The following DNHD1 variants were observed in gnomAD, a reference collection of about 807,000 sequenced individuals.
The protein encoded by DNHD1 is dynein heavy chain domain-containing protein 1.
DNHD1 carries 383 observed loss-of-function variants against 458.1 expected under a neutral mutation model. The ratio of observed to expected loss-of-function variants is 0.84; its 90% CI spans 0.77 to 0.91. The LOEUF (loss-of-function observed/expected upper bound fraction) is 0.91, where lower values mean the gene tolerates loss of function less well. Among genes scored for constraint, DNHD1 ranks in the 40% least tolerant of loss-of-function variants. The pLI, the probability that DNHD1 is intolerant of heterozygous loss-of-function variation, is 0.00. For missense variants in DNHD1, 5,336 were observed against 5,866.1 expected, an observed-to-expected ratio of 0.91 and a Z score of 2.95; for synonymous variants, 2,203 against 2,376.9, an observed-to-expected ratio of 0.93 and a Z score of 2.13.
chr11:6,510,435 T>G (rs1402476522), intron 6 of DNHD1, among the ~76,000 whole-genome samples: 1 of 152,166 alleles, frequency 6.6e-6, no homozygotes, highest in Non-Finnish European at 1.5e-5. Context: ...AGTGACTCAT[T>G]TTGAAAAACT....
Position 6,502,283 on chromosome 11 carries a change from TG to T in DNHD1, c.747-468del, listed in dbSNP as rs563827865. 6.6e-5 allele frequency among the ~76,000 whole-genome samples: 10 copies of T among 151,978 alleles called. No homozygotes were observed. The East Asian group carries it at 1.9e-3, about 29-fold the overall frequency. On this transcript the variant is annotated intron_variant, in intron 3 of 42. Coordinates refer to ENST00000254579, the MANE Select transcript of DNHD1 (RefSeq NM_144666.3). ...GGAAGAGCAGAAAATGTAACAGGCATGGAGATCATTCAGGGTTGGAAAGCAG... is the reference window on the plus strand; with the variant it reads ...GGAAGAGCAGAAAATGTAACAGGCATGAGATCATTCAGGGTTGGAAAGCAG...
intron 10 of DNHD1, among the ~76,000 whole-genome samples, chr11:6,527,328 GA>G (rs1852731205): frequency 1.3e-5 from 2 of 152,202 alleles, no homozygotes; most frequent in African/African-American, 4.8e-5. Context: ...TGGGCTGGGG[GA>G]GGAGGGCAGG....
rs149958610 is a variant in DNHD1, at chr11:6,537,747, A to G, written c.2999-636A>G. Among the ~76,000 whole-genome samples, 19 of 152,300 alleles carry G rather than the reference A, an allele frequency of 1.2e-4. No homozygotes were observed. In the East Asian group the frequency reaches 2.3e-3, roughly 19 times the overall value. ...GGAGTTCGAGACAAGCCTGGCCAAC[A>G]TAGTGAAACCCTGTCTCTACTAAAA... On this transcript the variant is annotated intron_variant, in intron 14 of 42. Transcript: ENST00000254579.
chr11:6,544,706 G>C (rs1371525573), intron 20 of DNHD1, 35 bp downstream of exon 20: 68 of 1,546,946 alleles, frequency 4.4e-5, no homozygotes, highest in Non-Finnish European at 5.9e-5. Context: ...AGGGCAAGAA[G>C]GGTTCCTGAA....
At chr11:6,506,404 ATTTCATATATTATCCAG>A (rs1852228746) in intron 4 of DNHD1, among the ~76,000 whole-genome samples, 2 of 152,066 alleles carry the variant, frequency 1.3e-5, no homozygotes, top group African/African-American at 4.8e-5. Context: ...CAGATATTAT[ATTTCATATATTATCCAG>A]TTTCATATAT....
chr11:6,571,246 G>A lies in DNHD1; in HGVS notation c.13734G>A (p.Glu4578=). The part of the protein sequence containing the change: ...VGADASSDVP[E]RVFHLSAFRH... ...CGGACGCGAGCAGTGATGTACCAGA[G>A]CGCGTCTTCCACCTGTCAGCCTTTC... The change falls in exon 42 of 43, where the codon GAG becomes GAA. Residue 4578 remains glutamate, a synonymous_variant. Coordinates refer to ENST00000254579, the MANE Select transcript of DNHD1 (RefSeq NM_144666.3). This position sits in a 1 kb window ranked among gnomAD's most constrained non-coding sequence, Gnocchi z 5.0. 1.9e-6 allele frequency: 3 copies of A among 1,612,632 alleles called. No homozygotes were observed. Among genetic ancestry groups the A allele is most frequent in the East Asian group, 4.5e-5 (2 of 44,838 alleles).
In DNHD1 at chr11:6,557,727, A is replaced by G; in HGVS notation, c.8432A>G (p.His2811Arg). 6.4e-7 allele frequency: 1 copy of G among 1,551,746 alleles called. No homozygotes were observed. Residue 2811 changes from histidine to arginine, a missense_variant, in exon 25 of 43, where the codon CAT becomes CGT. Transcript: ENST00000254579. ...SPLLLPVLLL[H>R]PQEKPSDLVF... ...TTGTTGTTACCAGTGTTACTACTAC[A>G]TCCCCAGGAAAAGCCCTCAGACCTG...
At chr11:6,552,560 C>T (rs1342768067) in intron 24 of DNHD1, among the ~76,000 whole-genome samples, 3 of 151,668 alleles carry the variant, frequency 2.0e-5, no homozygotes, top group Non-Finnish European at 4.4e-5. Flanking sequence ...TTAATTGACT[C>T]ACAGTTCCGC....
chr11:6,569,919 C>T (rs1853800224), intron 39 of DNHD1, 90 bp from the exon 40 acceptor site: 1 of 1,110,896 alleles, frequency 9.0e-7, no homozygotes, highest in Non-Finnish European at 1.3e-6. Context: ...ACCCGAAGCT[C>T]AGGAGAGAGG....
At chr11:6,532,268 T>G (rs1245669061) in intron 12 of DNHD1, among the ~76,000 whole-genome samples, 1 of 152,184 alleles carries the variant, frequency 6.6e-6, no homozygotes, top group Non-Finnish European at 1.5e-5. Context: ...TCTTTGTTAG[T>G]GGTATATAAA....
Position 6,565,885 on chromosome 11 carries a change from G to A in DNHD1, c.10947G>A (p.Gly3649=), listed in dbSNP as rs1490795512. 6.4e-7 allele frequency: 1 copy of A among 1,551,678 alleles called. No individual in the cohort carries two copies. Among genetic ancestry groups the A allele is most frequent in the Non-Finnish European group, 8.7e-7 (1 of 1,146,990 alleles). The stretch of plus-strand genomic sequence containing the variant: ...AGGAGGAGAAGACAGAGAGCCAGGG[G>A]TCAAAGCCAGCCTATGAGACTCAGC... ...EKEEEKTESQ[G]SKPAYETQLP... The change falls in exon 33 of 43, where the codon GGG becomes GGA. Residue 3649 remains glycine (G), a synonymous_variant. Transcript: ENST00000254579.
In DNHD1 at chr11:6,545,989, A is replaced by G. The variant is rs2134429509; in HGVS notation, c.5050A>G (p.Thr1684Ala). 6.4e-7 allele frequency: 1 copy of G among 1,551,750 alleles called. No homozygotes were observed. Among genetic ancestry groups the G allele is most frequent in the East Asian group, 2.4e-5 (1 of 40,916 alleles). The change falls in exon 21 of 43, where the codon ACC becomes GCC. Residue 1684 changes from threonine to alanine, a missense_variant. Around this residue, in one of 4 missense-constraint regions of DNHD1, gnomAD observed 3,932 missense variants for 4,365.6 expected, o/e 0.90. Transcript: ENST00000254579. The surrounding 1 kb of genome is among the most constrained non-coding windows in gnomAD (Gnocchi z 4.9). ...LLALEEVACG[T>A]VLGPNGVGKR... ...GGCCCTAGAGGAGGTGGCCTGTGGGACCGTACTGGGTCCTAATGGTGTGGG... is the reference window on the plus strand; with the variant it reads ...GGCCCTAGAGGAGGTGGCCTGTGGGGCCGTACTGGGTCCTAATGGTGTGGG...
At position 6,548,147 on chromosome 11, in the gene DNHD1, G is replaced by C. The variant is rs1589886901; in HGVS notation, c.6906-63G>C. On this transcript the variant is annotated intron_variant, in intron 22 of 42. Transcript: ENST00000254579. The surrounding 1 kb of genome is among the most constrained non-coding windows in gnomAD (Gnocchi z 4.4). ...TGTTAGGGTATGGTGGAGTGTGTGA[G>C]TGTGTCATAAATGGAAGTGTTGTAA... 6.5e-7 allele frequency: 1 copy of C among 1,544,830 alleles called. No individual in the cohort carries two copies. Among genetic ancestry groups the C allele is most frequent in the East Asian group, 2.4e-5 (1 of 40,818 alleles).
chr11:6,500,987 G>A (rs1406876773), intron 3 of DNHD1, among the ~76,000 whole-genome samples: 3 of 151,828 alleles, frequency 2.0e-5, no homozygotes, highest in African/African-American at 7.3e-5. Flanking sequence ...TAGTTAGGGG[G>A]AAAGCATGTG....
chr11:6,560,306 C>A (rs1248712563), intron 28 of DNHD1, among the ~76,000 whole-genome samples: 1 of 152,128 alleles, frequency 6.6e-6, no homozygotes, highest in East Asian at 1.9e-4. Context: ...TCATCCAGTG[C>A]CACACAACTC....
At chr11:6,504,739 G>A (rs1198964960) in intron 4 of DNHD1, among the ~76,000 whole-genome samples, 1 of 152,114 alleles carries the variant, frequency 6.6e-6, no homozygotes, top group Non-Finnish European at 1.5e-5. Flanking sequence ...ATGAGCCAAC[G>A]TGCCTGGCCC....
At chr11:6,558,762 A>G in intron 26 of DNHD1, 69 bp downstream of exon 26, 2 of 1,517,490 alleles carry the variant, frequency 1.3e-6, no homozygotes, top group South Asian at 2.4e-5. Context: ...TACCTAGGTC[A>G]GTCTCTCTCT....
At chr11:6,533,268 T>A in intron 13 of DNHD1, 84 bp downstream of exon 13, 1 of 1,375,678 alleles carries the variant, frequency 7.3e-7, no homozygotes, top group Non-Finnish European at 9.9e-7. Context: ...AGGTCTCTGC[T>A]GAGCCCCCAG....
Position 6,566,963 on chromosome 11 carries a change from C to T in DNHD1, c.11454C>T (p.Asn3818=), listed in dbSNP as rs1853715572. ...AGAAGCCAGCCAAGTTTCTGCGGAACATAGTGAGGGCCCAAGGAAAGCTAT... is the reference window on the plus strand; with the variant it reads ...AGAAGCCAGCCAAGTTTCTGCGGAATATAGTGAGGGCCCAAGGAAAGCTAT... ...KRQKPAKFLR[N]IVRAQGKLCQ... The change falls in exon 36 of 43, where the codon AAC becomes AAT. Residue 3818 remains asparagine, a synonymous_variant. Transcript: ENST00000254579. The T allele has an allele frequency of 1.2e-6, 2 of 1,613,970 alleles. No individual in the cohort carries two copies. The highest frequency in any genetic ancestry group is 1.3e-5 in the African/African-American group (1 of 75,048).
Sources: allele counts gnomAD v4.1 joint callset (sites outside exome capture counted in the v4.1 genomes callset), GRCh38; gene constraint gnomAD v4.1.1; regional missense constraint gnomAD v4.1.1; non-coding constraint Gnocchi (gnomAD v3.1); transcripts MANE v1.5; gene names NCBI Gene and HGNC (gene_info 2026-07-23, HGNC 2026-07-21).